The following ATP1B3 variants were observed in gnomAD, a reference collection of about 807,000 sequenced individuals.
ATP1B3 encodes the protein sodium/potassium-transporting ATPase subunit beta-3.
ATP1B3 carries 10 observed loss-of-function variants against 30.2 expected under a neutral mutation model. That is an observed-to-expected ratio of 0.33 (90% confidence interval 0.20 to 0.56). The LOEUF (loss-of-function observed/expected upper bound fraction) is 0.56, where lower values mean the gene tolerates loss of function less well. ATP1B3 is among the 20% of genes least tolerant of loss of function. The pLI is 0.90. For synonymous variants in ATP1B3, 113 were observed against 117.0 expected, an observed-to-expected ratio of 0.97 and a Z score of 0.22; for missense variants, 238 against 336.7, an observed-to-expected ratio of 0.71 and a Z score of 2.29.
chr3:141,925,553 T>G lies in ATP1B3; in HGVS notation c.692T>G (p.Val231Gly). 1 of 1,611,090 alleles carries G rather than the reference T, an allele frequency of 6.2e-7. No individual in the cohort carries two copies. The highest frequency in any genetic ancestry group is 8.5e-7 in the Non-Finnish European group (1 of 1,179,122). ...KLHVGYLQPLVAVQVSFAPNN... is the reference protein window; with the variant it reads ...KLHVGYLQPLGAVQVSFAPNN... ...CAGGTTGGGTATCTACAGCCATTGG[T>G]TGCTGTTCAGGTCAGCTTTGCTCCT... Residue 231 changes from valine (V) to glycine (G), a missense_variant, in exon 7 of 7, where the codon GTT (valine) becomes GGT (glycine). Val to Gly is a moderately radical substitution (Grantham distance 109). Around this residue, in one of 3 missense-constraint regions of ATP1B3, gnomAD observed 50 missense variants for 62.3 expected, o/e 0.80. Coordinates refer to ENST00000286371, the MANE Select transcript of ATP1B3 (RefSeq NM_001679.4).
Position 141,890,285 on chromosome 3 carries a change from CTTTT to C in ATP1B3, c.110-13303_110-13300del, listed in dbSNP as rs775182342. On this transcript the variant is annotated intron_variant, in intron 1 of 6. Coordinates refer to ENST00000286371, the MANE Select transcript of ATP1B3 (RefSeq NM_001679.4). ...TTTGTTTGTTTGTTTTTTTGTGGGGCTTTTTTTTTTTTTTTTTTTTTTTTTTTTT... is the reference window on the plus strand; with the variant it reads ...TTTGTTTGTTTGTTTTTTTGTGGGGCTTTTTTTTTTTTTTTTTTTTTTTTT... Among the ~76,000 whole-genome samples, 146 of 28,542 alleles carry C rather than the reference CTTTT, an allele frequency of 5.1e-3. 24 individuals carry two copies. Among genetic ancestry groups the C allele is most frequent in the African/African-American group, 0.018 (123 of 6,906 alleles). 18.7% of individuals were successfully genotyped at this position (28,542 alleles called of 152,430 possible).
chr3:141,881,547 G>A (rs1933726530), intron 1 of ATP1B3, among the ~76,000 whole-genome samples: 1 of 152,192 alleles, frequency 6.6e-6, no homozygotes, highest in Non-Finnish European at 1.5e-5. Context: ...TAGGGGAGAA[G>A]GCAGATGTGT....
chr3:141,901,497 G>A (rs1934162849), intron 1 of ATP1B3, among the ~76,000 whole-genome samples: 1 of 152,110 alleles, frequency 6.6e-6, no homozygotes, highest in Non-Finnish European at 1.5e-5. Flanking sequence ...GTTCAAGTAA[G>A]GAAAACTCAC....
intron 3 of ATP1B3, among the ~76,000 whole-genome samples, chr3:141,909,144 C>T (rs1201401325): frequency 6.6e-6 from 1 of 152,202 alleles, no homozygotes; most frequent in Non-Finnish European, 1.5e-5. Flanking sequence ...TAGCTGTCTT[C>T]CTAAGTCTCT....
At chr3:141,888,594 G>A (rs1457113162) in intron 1 of ATP1B3, among the ~76,000 whole-genome samples, 1 of 152,038 alleles carries the variant, frequency 6.6e-6, no homozygotes, top group Non-Finnish European at 1.5e-5. Flanking sequence ...AAGAAAAGAG[G>A]TTTAATTGAC....
At chr3:141,913,098 T>C (rs1934393634) in intron 3 of ATP1B3, among the ~76,000 whole-genome samples, 1 of 152,202 alleles carries the variant, frequency 6.6e-6, no homozygotes, top group Non-Finnish European at 1.5e-5. Context: ...TTTAACATAG[T>C]TTACAAGACT....
chr3:141,916,467 C>A (rs189392738), intron 5 of ATP1B3: 29 of 885,146 alleles, frequency 3.3e-5, no homozygotes, highest in Admixed American at 1.4e-4. Flanking sequence ...TCTCCCCTAT[C>A]CCTACTTACT....
At chr3:141,901,521 A>G (rs1934163179) in intron 1 of ATP1B3, among the ~76,000 whole-genome samples, 1 of 152,196 alleles carries the variant, frequency 6.6e-6, no homozygotes, top group Non-Finnish European at 1.5e-5. Flanking sequence ...ACTGCTGGAA[A>G]TAACTTATTT....
intron 1 of ATP1B3, among the ~76,000 whole-genome samples, chr3:141,881,854 C>A (rs990423038): frequency 6.6e-6 from 1 of 152,098 alleles, no homozygotes; most frequent in Admixed American, 6.5e-5. Flanking sequence ...CATGTGGTGA[C>A]AGCAGCAGAA....
At chr3:141,903,896 C>A in intron 2 of ATP1B3, 148 bp downstream of exon 2, 1 of 879,090 alleles carries the variant, frequency 1.1e-6, no homozygotes, top group Non-Finnish European at 1.7e-6. Flanking sequence ...ATTCTCCTGC[C>A]TCCTCAGCCT....
intron 5 of ATP1B3, 62 bp downstream of exon 5, chr3:141,916,082 C>A: frequency 7.0e-7 from 1 of 1,435,282 alleles, no homozygotes; most frequent in South Asian, 1.3e-5. Flanking sequence ...CTTTAAAAGT[C>A]TAATGATTTA....
At position 141,925,976 on chromosome 3, in the gene ATP1B3, C is replaced by G; in HGVS notation, c.*275C>G. ...ACATGTAGGATGGGGGTCTTGTCCTCTTTTTATGTGGTTTAATTGCCAAGT... is the reference window on the plus strand; with the variant it reads ...ACATGTAGGATGGGGGTCTTGTCCTGTTTTTATGTGGTTTAATTGCCAAGT... On this transcript the variant is annotated 3_prime_UTR_variant, in exon 7 of 7. Transcript: ENST00000286371. 1 of 346,252 alleles carries G rather than the reference C, an allele frequency of 2.9e-6. No individual in the cohort carries two copies. Among genetic ancestry groups the G allele is most frequent in the Non-Finnish European group, 5.2e-6 (1 of 191,588 alleles). The allele number at this position is 346,252 out of a possible 1,614,324, so 21.4% of individuals were successfully genotyped here. A position where few individuals can be genotyped will look rare whatever the true frequency, so the allele number is the denominator to read the frequency against.
At chr3:141,898,013 A>G (rs1449298320) in intron 1 of ATP1B3, among the ~76,000 whole-genome samples, 1 of 152,210 alleles carries the variant, frequency 6.6e-6, no homozygotes, top group African/African-American at 2.4e-5. Flanking sequence ...CCTGGCCAAC[A>G]AATAGTTTTT....
intron 1 of ATP1B3, among the ~76,000 whole-genome samples, chr3:141,896,491 C>G (rs1576392973): frequency 6.6e-6 from 1 of 152,126 alleles, no homozygotes; most frequent in African/African-American, 2.4e-5. Flanking sequence ...TGCCACTGCA[C>G]TCCAGCTTGG....
intron 5 of ATP1B3, among the ~76,000 whole-genome samples, chr3:141,919,513 T>C (rs1465295893): frequency 6.6e-6 from 1 of 152,230 alleles, no homozygotes; most frequent in African/African-American, 2.4e-5. Context: ...TATTTTCTTA[T>C]GAAAATGAAT....
chr3:141,907,386 G>T lies in ATP1B3; in HGVS notation c.346+112G>T, dbSNP rs1385317156. 7.0e-6 allele frequency: 5 copies of T among 714,194 alleles called. No homozygotes were observed. The South Asian group carries it at 1.2e-4, about 17-fold the overall frequency. 44.2% of individuals were successfully genotyped at this position (714,194 alleles called of 1,614,324 possible). On this transcript the variant is annotated intron_variant, in intron 3 of 6. Coordinates refer to ENST00000286371, the MANE Select transcript of ATP1B3 (RefSeq NM_001679.4). Reference sequence around the variant, plus strand: ...TGTAATCCCAGCACTTTGGGAGGCCGAAGCGGGCAGATCACCTGAGGTTAG... The same window carrying T: ...TGTAATCCCAGCACTTTGGGAGGCCTAAGCGGGCAGATCACCTGAGGTTAG...
intron 1 of ATP1B3, among the ~76,000 whole-genome samples, chr3:141,880,565 TTAAAC>T (rs1281203125): frequency 1.3e-5 from 2 of 152,188 alleles, no homozygotes; most frequent in East Asian, 3.8e-4. Flanking sequence ...CTAGTGTTAT[TTAAAC>T]TACTAGTAGT....
In ATP1B3 at chr3:141,893,606, T is replaced by C. The variant is rs539043771; in HGVS notation, c.110-10014T>C. Reference sequence around the variant, plus strand: ...CTTGACCAGTTCTCCTGAGGTTAAGTTTTTGTTTGTCTTTAACAGCTTTAT... The same window carrying C: ...CTTGACCAGTTCTCCTGAGGTTAAGCTTTTGTTTGTCTTTAACAGCTTTAT... On this transcript the variant is annotated intron_variant, in intron 1 of 6. Coordinates refer to ENST00000286371, the MANE Select transcript of ATP1B3 (RefSeq NM_001679.4). Among the ~76,000 whole-genome samples, 46 of 152,296 alleles carry C rather than the reference T, an allele frequency of 3.0e-4. 1 individual carries two copies. The South Asian group carries it at 8.7e-3, about 29-fold the overall frequency.
At chr3:141,907,435 A>G (rs900446536) in intron 3 of ATP1B3, among the ~76,000 whole-genome samples, 161 bp downstream of exon 3, 2 of 152,096 alleles carry the variant, frequency 1.3e-5, no homozygotes, top group Non-Finnish European at 2.9e-5. Flanking sequence ...GACCTGGCCA[A>G]CATGGTGAAA....
Sources: gnomAD v4.1 joint callset for allele counts (sites outside exome capture counted in the v4.1 genomes callset) on GRCh38, gnomAD v4.1.1 for gene constraint, gnomAD v4.1.1 regional missense constraint, MANE v1.5 for transcripts, NCBI Gene and HGNC (gene_info 2026-07-23, HGNC 2026-07-21) for gene names.